RAB27B: variants seen among roughly 807,000 people sequenced by gnomAD.
RAB27B encodes RAB27B, member RAS oncogene family, also known as ras-related protein Rab-27B.
In RAB27B, 15 loss-of-function variants were observed where a neutral mutation model predicts 24.6. The observed-to-expected ratio is 0.61, with a 90% confidence interval of 0.41 to 0.94. The LOEUF (loss-of-function observed/expected upper bound fraction) is 0.94, where lower values mean the gene tolerates loss of function less well. Ranked by LOEUF, RAB27B falls within the 40% of genes least tolerant of loss-of-function variation. The pLI is 0.00. For synonymous variants in RAB27B, 105 were observed against 92.5 expected, an observed-to-expected ratio of 1.14 and a Z score of -0.78; for missense variants, 261 against 266.8, an observed-to-expected ratio of 0.98 and a Z score of 0.15.
chr18:54,832,122 C>T (rs77701110), intron 1 of RAB27B, among the ~76,000 whole-genome samples: 87 of 151,998 alleles, frequency 5.7e-4, no homozygotes, highest in African/African-American at 2.1e-3. Context: ...GAGACTAAGT[C>T]GTAGGGTGAC....
At position 54,894,364 on chromosome 18, in the gene RAB27B, T is replaced by C. The variant is rs1913487296; in HGVS notation, c.*4951T>C. 6.6e-6 allele frequency: 1 copy of C among 152,054 alleles called. No homozygotes were observed. Among genetic ancestry groups the C allele is most frequent in the South Asian group, 2.1e-4 (1 of 4,824 alleles). The allele number at this position is 152,054 out of a possible 1,614,324, so 9.4% of individuals were successfully genotyped here. ...GGCTAACATCCTTCAGCTGACTTTG[T>C]CTACAAGGATTATTAGCAAATTCTG... is the stretch of plus-strand genomic sequence containing the variant. On this transcript the variant is annotated 3_prime_UTR_variant, in exon 6 of 6. Coordinates refer to ENST00000262094, the MANE Select transcript of RAB27B (RefSeq NM_004163.4).
chr18:54,889,083 T>C (rs1422298707), intron 5 of RAB27B, 141 bp from the exon 6 acceptor site: 1 of 781,730 alleles, frequency 1.3e-6, no homozygotes, highest in Non-Finnish European at 1.9e-6. Context: ...ACAAGGATGC[T>C]TTCCAACTTA....
chr18:54,755,372 A>G (rs1907970301), intron 2 of RAB27B, among the ~76,000 whole-genome samples: 1 of 152,240 alleles, frequency 6.6e-6, no homozygotes, highest in South Asian at 2.1e-4. Context: ...CCTGGGCAAC[A>G]GAGCAAGACT....
At chr18:54,796,879 A>T (rs1909438673) in intron 2 of RAB27B, among the ~76,000 whole-genome samples, 1 of 152,170 alleles carries the variant, frequency 6.6e-6, no homozygotes, top group Non-Finnish European at 1.5e-5. Context: ...AAGACAAAAT[A>T]GTGGCATGAT....
At chr18:54,875,023 T>C (rs377756165) in intron 1 of RAB27B, among the ~76,000 whole-genome samples, 2 of 152,278 alleles carry the variant, frequency 1.3e-5, no homozygotes. Flanking sequence ...GATACAGTCC[T>C]GGTAAAATAT....
At chr18:54,734,877 G>A (rs1163905560) in intron 2 of RAB27B, among the ~76,000 whole-genome samples, 1 of 152,108 alleles carries the variant, frequency 6.6e-6, no homozygotes, top group Non-Finnish European at 1.5e-5. Context: ...GTGAATTTTA[G>A]GGGATCCAAA....
At chr18:54,876,398 A>G (rs1912703612) in intron 1 of RAB27B, among the ~76,000 whole-genome samples, 1 of 152,202 alleles carries the variant, frequency 6.6e-6, no homozygotes, top group Admixed American at 6.6e-5. Flanking sequence ...CTTCAAGAAT[A>G]CAGTGTTTTC....
chr18:54,862,292 CA>C (rs1233128051), intron 1 of RAB27B, among the ~76,000 whole-genome samples: 1 of 152,052 alleles, frequency 6.6e-6, no homozygotes, highest in Non-Finnish European at 1.5e-5. Flanking sequence ...TGTGAGGGAA[CA>C]AAATCGAATG....
chr18:54,871,077 G>C (rs532543719), intron 1 of RAB27B, among the ~76,000 whole-genome samples: 5 of 152,274 alleles, frequency 3.3e-5, no homozygotes, highest in Admixed American at 3.3e-4. Flanking sequence ...TTTGGTTGAT[G>C]TTAATTTATA....
intron 2 of RAB27B, among the ~76,000 whole-genome samples, chr18:54,762,540 A>G (rs779272802): frequency 3.9e-5 from 6 of 152,130 alleles, no homozygotes; most frequent in Non-Finnish European, 2.9e-5. Context: ...GCACTTTGCA[A>G]TAAGTTAGGC....
chr18:54,838,776 C>T (rs950473692), intron 1 of RAB27B, among the ~76,000 whole-genome samples: 4 of 152,066 alleles, frequency 2.6e-5, no homozygotes, highest in African/African-American at 9.7e-5. Flanking sequence ...ATTTCTGATA[C>T]AATCTTGTGG....
intron 1 of RAB27B, among the ~76,000 whole-genome samples, chr18:54,850,359 T>TATATATATATATATATATATAC (rs1491518141): frequency 1.2e-4 from 15 of 126,862 alleles, no homozygotes; most frequent in South Asian, 5.1e-4. Context: ...TATATATATA[T>TATATATATATATATATATATAC]ACATACATAC....
chr18:54,879,295 C>T (rs540373199), intron 2 of RAB27B, 74 bp from the exon 3 acceptor site: 1 of 1,095,524 alleles, frequency 9.1e-7, no homozygotes, highest in East Asian at 2.4e-5. Flanking sequence ...AAAAAACATG[C>T]TGAGTGAACC....
chr18:54,809,916 T>A (rs1177864322), intron 2 of RAB27B, among the ~76,000 whole-genome samples: 1 of 152,240 alleles, frequency 6.6e-6, no homozygotes, highest in African/African-American at 2.4e-5. Context: ...GCTGACTTTT[T>A]AAAAGTGTAA....
intron 3 of RAB27B, among the ~76,000 whole-genome samples, chr18:54,882,286 GTTTC>G (rs758021791): frequency 2.6e-4 from 40 of 152,050 alleles, no homozygotes; most frequent in African/African-American, 9.4e-4. Context: ...ATCTTTTACT[GTTTC>G]TTTCTTTCAC....
Position 54,894,410 on chromosome 18 carries a change from C to T in RAB27B, c.*4997C>T, listed in dbSNP as rs1436523071. 1 of 152,012 alleles carries T rather than the reference C, an allele frequency of 6.6e-6. No individual in the cohort carries two copies. Among genetic ancestry groups the T allele is most frequent in the African/African-American group, 2.4e-5 (1 of 41,416 alleles). The allele number at this position is 152,012 out of a possible 1,614,324, so 9.4% of individuals were successfully genotyped here. A position where few individuals can be genotyped will look rare whatever the true frequency, so the allele number is the denominator to read the frequency against. On this transcript the variant is annotated 3_prime_UTR_variant, in exon 6 of 6. Transcript: ENST00000262094. ...TTCTGTAGGAGCAAGCATGTCTGAC[C>T]TTAACTTAATGGATCCCTTATTCAA...
At chr18:54,874,817 T>C (rs537465672) in intron 1 of RAB27B, among the ~76,000 whole-genome samples, 1 of 152,304 alleles carries the variant, frequency 6.6e-6, no homozygotes, top group East Asian at 1.9e-4. Context: ...ATTCTACTAG[T>C]GAAATGACAA....
chr18:54,799,659 T>C (rs1909539090), intron 2 of RAB27B, among the ~76,000 whole-genome samples: 1 of 114,294 alleles, frequency 8.7e-6, no homozygotes, highest in Non-Finnish European at 1.7e-5. Context: ...AGACAGAGTC[T>C]TGCTCTGCCA....
chr18:54,873,565 G>GGCTTTTTT (rs1912563075), intron 1 of RAB27B, among the ~76,000 whole-genome samples: 5 of 152,088 alleles, frequency 3.3e-5, no homozygotes, highest in Admixed American at 2.6e-4. Flanking sequence ...AATTTGCCAA[G>GGCTTTTTT]GCTTTTTTTT....
Sources: gnomAD v4.1 joint callset for allele counts (sites outside exome capture counted in the v4.1 genomes callset) on GRCh38, gnomAD v4.1.1 for gene constraint, MANE v1.5 for transcripts, NCBI Gene and HGNC (gene_info 2026-07-23, HGNC 2026-07-21) for gene names.